Variants in FOXP2 observed in about 807,000 individuals in gnomAD.
FOXP2 encodes the protein forkhead box P2.
In FOXP2, 12 loss-of-function variants were observed where a neutral mutation model predicts 115.8. That is an observed-to-expected ratio of 0.10 (90% CI 0.07 to 0.17). FOXP2 has a LOEUF of 0.17. FOXP2 is among the 10% of genes least tolerant of loss of function. FOXP2 has a pLI of 1.00. For synonymous variants in FOXP2, 328 were observed against 297.7 expected (o/e 1.10, Z -1.05); for missense variants, 629 against 843.5 (o/e 0.75, Z 3.15).
At chr7:114,250,469 C>G (rs1172251280) in intron 1 of FOXP2, among the ~76,000 whole-genome samples, 3 of 152,140 alleles carry the variant, frequency 2.0e-5, no homozygotes, top group Admixed American at 2.0e-4. Flanking sequence ...TGTTTCCTGA[C>G]TTTTTAATGA....
intron 1 of FOXP2, among the ~76,000 whole-genome samples, chr7:114,184,590 T>G (rs1324988418): frequency 2.6e-5 from 4 of 152,122 alleles, no homozygotes; most frequent in African/African-American, 9.7e-5. Flanking sequence ...GGAAGGTAGC[T>G]CAGGGTGAGG....
At chr7:114,420,643 CAA>C (rs1793578788) in intron 1 of FOXP2, among the ~76,000 whole-genome samples, 1 of 151,652 alleles carries the variant, frequency 6.6e-6, no homozygotes, top group African/African-American at 2.4e-5. Flanking sequence ...TAACACATTG[CAA>C]AAAATATTAC....
intron 2 of FOXP2, among the ~76,000 whole-genome samples, chr7:114,304,562 C>T (rs1032160387): frequency 6.7e-6 from 1 of 148,336 alleles, no homozygotes; most frequent in African/African-American, 2.5e-5. Context: ...CCCAGCTACT[C>T]AGGAGGCTGA....
intron 2 of FOXP2, among the ~76,000 whole-genome samples, chr7:114,312,502 C>G (rs929584580): frequency 6.6e-6 from 1 of 152,174 alleles, no homozygotes; most frequent in Non-Finnish European, 1.5e-5. Flanking sequence ...CCTGTTCCAG[C>G]AAACCGTGTC....
At chr7:114,099,291 A>G (rs529000137) in intron 1 of FOXP2, among the ~76,000 whole-genome samples, 1 of 152,324 alleles carries the variant, frequency 6.6e-6, no homozygotes, top group Middle Eastern at 3.4e-3. Context: ...ATGATAAATT[A>G]TCAGGGAAAT....
intron 1 of FOXP2, among the ~76,000 whole-genome samples, chr7:114,175,371 C>G (rs1009436828): frequency 6.6e-6 from 1 of 151,950 alleles, no homozygotes; most frequent in Non-Finnish European, 1.5e-5. Flanking sequence ...GTTGACAACT[C>G]GACTCATACC....
intron 2 of FOXP2, among the ~76,000 whole-genome samples, chr7:114,299,250 T>C (rs1472140069): frequency 6.6e-6 from 1 of 152,138 alleles, no homozygotes; most frequent in Non-Finnish European, 1.5e-5. Flanking sequence ...ATTGGGACTA[T>C]CTTGGGTGAA....
intron 1 of FOXP2, among the ~76,000 whole-genome samples, chr7:114,144,580 T>C (rs1792313946): frequency 6.6e-6 from 1 of 152,170 alleles, no homozygotes; most frequent in Non-Finnish European, 1.5e-5. Flanking sequence ...TTTTCTTAAA[T>C]ACCAAAATAT....
chr7:114,484,995 A>G (rs1362462561), intron 2 of FOXP2, among the ~76,000 whole-genome samples: 2 of 151,888 alleles, frequency 1.3e-5, no homozygotes, highest in Non-Finnish European at 2.9e-5. Flanking sequence ...GAAGTTGGTA[A>G]TTTTTACTTG....
chr7:114,661,650 A>C (rs781321025), intron 13 of FOXP2: 3 of 231,894 alleles, frequency 1.3e-5, no homozygotes, highest in Non-Finnish European at 2.6e-5. Context: ...AACACTTGTC[A>C]CTGTAGCCTT....
intron 10 of FOXP2, chr7:114,656,546 A>C (rs1180767081): frequency 2.3e-6 from 1 of 441,480 alleles, no homozygotes; most frequent in African/African-American, 2.0e-5. Flanking sequence ...GTGGCTTTGT[A>C]AATGTATTAA....
rs1261779999 is a variant in FOXP2 at position 114,693,124 on chromosome 7, C to T, written c.*3198C>T. On this transcript the variant is annotated 3_prime_UTR_variant, in exon 17 of 17. Coordinates refer to ENST00000350908, the MANE Select transcript of FOXP2 (RefSeq NM_014491.4). ...GGCTTATATTCTATGTGGTTGGATT[C>T]GTGGCACAGTTGTACTATTTGAAAA... 8 of 453,702 alleles carry T rather than the reference C, an allele frequency of 1.8e-5. No homozygotes were observed. The highest frequency in any genetic ancestry group is 2.6e-5 in the Non-Finnish European group (6 of 226,638). The allele number at this position is 453,702 out of a possible 1,614,324, so 28.1% of individuals were successfully genotyped here. A position where few individuals can be genotyped will look rare whatever the true frequency, so the allele number is the denominator to read the frequency against.
chr7:114,112,415 A>C (rs1791294725), intron 1 of FOXP2, among the ~76,000 whole-genome samples: 1 of 152,074 alleles, frequency 6.6e-6, no homozygotes, highest in Admixed American at 6.6e-5. Context: ...CTCCAGCCTC[A>C]GCCTCCTGAG....
chr7:114,086,473 C>T (rs1448113557), upstream of FOXP2: 6 of 300,572 alleles, frequency 2.0e-5, no homozygotes, highest in South Asian at 1.4e-4. Context: ...GCTTCCTCGG[C>T]CCCCCCCCTC....
intron 2 of FOXP2, among the ~76,000 whole-genome samples, chr7:114,306,401 G>A (rs375139157): frequency 1.2e-3 from 183 of 152,184 alleles, no homozygotes; most frequent in South Asian, 4.1e-3. Context: ...TATCTGCTAC[G>A]TTTATAGAAA....
chr7:114,312,046 T>G (rs185036430), intron 2 of FOXP2, among the ~76,000 whole-genome samples: 7 of 152,144 alleles, frequency 4.6e-5, no homozygotes, highest in African/African-American at 1.7e-4. Context: ...CTTGGCCCAG[T>G]CTTTATTATT....
At chr7:114,419,939 G>C (rs914351752) in intron 1 of FOXP2, 3 of 151,924 alleles carry the variant, frequency 2.0e-5, no homozygotes, top group East Asian at 1.9e-4. Flanking sequence ...CTTCCAATGG[G>C]AAGGCAAGAG....
At chr7:114,463,053 G>A (rs1257653115) in intron 2 of FOXP2, 2 of 433,598 alleles carry the variant, frequency 4.6e-6, no homozygotes, top group Admixed American at 5.1e-5. Flanking sequence ...TTTAGAGACA[G>A]GGTCTTGTTC....
chr7:114,485,530 A>C (rs2129239955), intron 2 of FOXP2, among the ~76,000 whole-genome samples: 1 of 152,042 alleles, frequency 6.6e-6, no homozygotes, highest in East Asian at 1.9e-4. Context: ...ATTTCAGGGT[A>C]AATGTTTAAA....
Sources: allele counts gnomAD v4.1 joint callset (sites outside exome capture counted in the v4.1 genomes callset), GRCh38; gene constraint gnomAD v4.1.1; transcripts MANE v1.5; gene names NCBI Gene and HGNC (gene_info 2026-07-23, HGNC 2026-07-21).